Variants in MTMR1 observed in about 807,000 individuals in gnomAD.
MTMR1 encodes the protein phosphatidylinositol-3-phosphate phosphatase MTMR1.
Under a neutral mutation model 51.6 loss-of-function variants are expected in MTMR1, and 17 were observed. The observed-to-expected ratio is 0.33, with a 90% CI of 0.23 to 0.49. The LOEUF is 0.49. MTMR1 is among the 20% of genes least tolerant of loss of function. The pLI is 0.99. For missense variants in MTMR1, 386 were observed against 526.9 expected, an observed-to-expected ratio of 0.73 and a Z score of 2.62; for synonymous variants, 201 against 205.6, an observed-to-expected ratio of 0.98 and a Z score of 0.19.
chrX:150,727,185 G>C, intron 4 of MTMR1, 30 bp from the exon 5 acceptor site: 1 of 983,401 alleles, frequency 1.0e-6, no homozygotes, highest in Non-Finnish European at 1.4e-6. Flanking sequence ...GTCTATGGCA[G>C]TAGTTGCTAC....
chrX:150,761,068 TCTTG>T (rs2043110859), intron 15 of MTMR1, among the ~76,000 whole-genome samples: 1 of 111,614 alleles, frequency 9.0e-6, no homozygotes, highest in African/African-American at 3.3e-5. Context: ...TCCCTGCGTG[TCTTG>T]CTTCTTGCTG....
In MTMR1 at chrX:150,727,689, G is replaced by A. The variant is rs782449977; in HGVS notation, c.453G>A (p.Pro151=). 3.0e-5 allele frequency: 36 copies of A among 1,204,550 alleles called. No homozygotes were observed. The highest frequency in any genetic ancestry group is 1.1e-4 in the South Asian group (6 of 56,094). The change falls in exon 6 of 16, where the codon CCG becomes CCA. Residue 151 remains proline (P), a synonymous_variant. Transcript: ENST00000445323. Reference sequence around the variant, plus strand: ...ATCTTAATTTTTGAACCTAGGACCCGCATTTTATCCTTGATGTTCCCCTTG... The same window carrying A: ...ATCTTAATTTTTGAACCTAGGACCCACATTTTATCCTTGATGTTCCCCTTG... ...KLYFKNVERD[P]HFILDVPLGV...
intron 14 of MTMR1, among the ~76,000 whole-genome samples, chrX:150,755,096 C>T (rs1053621594): frequency 3.6e-5 from 4 of 110,866 alleles, no homozygotes; most frequent in Non-Finnish European, 5.7e-5. Context: ...GCTCTATTGC[C>T]CAGGCTGGAG....
At chrX:150,755,216 TA>T (rs1351283083) in intron 14 of MTMR1, among the ~76,000 whole-genome samples, 1 of 110,789 alleles carries the variant, frequency 9.0e-6, no homozygotes, top group Non-Finnish European at 1.9e-5. Context: ...TCTTTAAATT[TA>T]TTTTTTTTGT....
chrX:150,729,821 C>T (rs2042055807), intron 6 of MTMR1, among the ~76,000 whole-genome samples: 1 of 111,131 alleles, frequency 9.0e-6, no homozygotes, highest in East Asian at 2.8e-4. Context: ...GAGTTTGAGA[C>T]CAGCCTGACC....
chrX:150,742,694 G>A (rs2148650749), intron 12 of MTMR1, among the ~76,000 whole-genome samples: 1 of 108,548 alleles, frequency 9.2e-6, no homozygotes, highest in African/African-American at 3.4e-5. Flanking sequence ...GCGGGCACCT[G>A]TAGTCCCAGC....
intron 2 of MTMR1, among the ~76,000 whole-genome samples, chrX:150,708,739 A>G (rs5925408): frequency 0.26 from 29,083 of 109,924 alleles, 3,115 homozygotes; most frequent in South Asian, 0.49. Flanking sequence ...AGACTCATCA[A>G]CTGAAAAAGG....
chrX:150,721,366 T>C (rs782764431), intron 4 of MTMR1, among the ~76,000 whole-genome samples: 1 of 112,081 alleles, frequency 8.9e-6, no homozygotes, highest in Non-Finnish European at 1.9e-5. Flanking sequence ...TATTTCTTAC[T>C]TAAATATCTG....
intron 15 of MTMR1, among the ~76,000 whole-genome samples, chrX:150,758,353 C>T (rs1173212532): frequency 2.7e-5 from 3 of 111,813 alleles, no homozygotes; most frequent in Non-Finnish European, 5.6e-5. Context: ...CCACCTTCCT[C>T]CAGAGAGGCC....
At chrX:150,713,885 T>C (rs934756005) in intron 3 of MTMR1, among the ~76,000 whole-genome samples, 2 of 102,993 alleles carry the variant, frequency 1.9e-5, no homozygotes, top group Admixed American at 1.1e-4. Context: ...CAATAAGCAA[T>C]AAGAAACAGA....
At chrX:150,737,896 G>A (rs912398970) in intron 12 of MTMR1, among the ~76,000 whole-genome samples, 10 of 110,864 alleles carry the variant, frequency 9.0e-5, no homozygotes, top group South Asian at 3.8e-4. Context: ...GTGAAACCCC[G>A]TCTCTACTAA....
rs1258431382 is a variant in MTMR1, at chrX:150,711,635, C to G, written c.253-707C>G. 2.7e-5 allele frequency among the ~76,000 whole-genome samples: 3 copies of G among 112,131 alleles called. No homozygotes were observed. The Admixed American group carries it at 2.8e-4, about 11-fold the overall frequency. On this transcript the variant is annotated intron_variant, in intron 2 of 15. Coordinates refer to ENST00000445323, the MANE Select transcript of MTMR1 (RefSeq NM_001306144.3). Reference sequence around the variant, plus strand: ...GAATATTGTTGCTAAAATCAGTGTGCCTGCTGAATAAAGCTGGGCTTTCCC... The same window carrying G: ...GAATATTGTTGCTAAAATCAGTGTGGCTGCTGAATAAAGCTGGGCTTTCCC...
chrX:150,757,945 C>T (rs782066661), intron 15 of MTMR1, among the ~76,000 whole-genome samples: 12 of 111,044 alleles, frequency 1.1e-4, no homozygotes, highest in African/African-American at 3.3e-4. Flanking sequence ...CCAAGACACT[C>T]GATACTGCAC....
At chrX:150,743,201 C>T (rs925027353) in intron 12 of MTMR1, among the ~76,000 whole-genome samples, 1 of 110,193 alleles carries the variant, frequency 9.1e-6, no homozygotes, top group African/African-American at 3.3e-5. Context: ...GTCAGGGGTT[C>T]AAGACCAGCC....
At chrX:150,693,283 C>A, upstream of MTMR1, 1 of 176,941 alleles carries the variant, frequency 5.7e-6, no homozygotes, top group Non-Finnish European at 9.0e-6. Flanking sequence ...CCAGGTGGGG[C>A]TGGGCGAGGT....
At chrX:150,696,756 G>A (rs972305960) in intron 1 of MTMR1, among the ~76,000 whole-genome samples, 1 of 84,776 alleles carries the variant, frequency 1.2e-5, no homozygotes, top group African/African-American at 4.6e-5. Context: ...ATCGCTGTGA[G>A]TTCCTTAAGA....
intron 1 of MTMR1, among the ~76,000 whole-genome samples, chrX:150,696,528 C>T (rs1009650338): frequency 2.7e-5 from 3 of 111,969 alleles, no homozygotes; most frequent in Admixed American, 1.9e-4. Flanking sequence ...CACTGTGCTT[C>T]ACTGTGTGTA....
chrX:150,755,975 G>A (rs895370247), intron 15 of MTMR1, 110 bp downstream of exon 15: 24 of 641,710 alleles, frequency 3.7e-5, no homozygotes, highest in Non-Finnish European at 5.2e-5. Flanking sequence ...CATACTGACC[G>A]TCTTCTGCCC....
chrX:150,722,968 C>A (rs969030604), intron 4 of MTMR1, among the ~76,000 whole-genome samples: 2 of 108,299 alleles, frequency 1.8e-5, no homozygotes, highest in Admixed American at 9.9e-5. Flanking sequence ...CGTCATTTAG[C>A]ATTAGGTATA....
Sources: allele counts gnomAD v4.1 joint callset (sites outside exome capture counted in the v4.1 genomes callset), GRCh38; gene constraint gnomAD v4.1.1; transcripts MANE v1.5; gene names NCBI Gene and HGNC (gene_info 2026-07-23, HGNC 2026-07-21).